The following NALF1 variants were observed in gnomAD, a reference collection of about 807,000 sequenced individuals.
NALF1 encodes the protein family with sequence similarity 155 member A.
A neutral mutation model predicts 48.4 loss-of-function variants in NALF1; 3 were observed. The observed-to-expected ratio is 0.06, with a 90% CI of 0.03 to 0.16. The LOEUF is 0.16. Ranked by LOEUF, NALF1 falls within the 10% of genes least tolerant of loss-of-function variation. The probability of loss-of-function intolerance (pLI) is 1.00; values close to 1 mark genes in which losing one functional copy is unlikely to be tolerated. For missense variants in NALF1, 526 were observed against 571.5 expected, an observed-to-expected ratio of 0.92 and a Z score of 0.81; for synonymous variants, 262 against 245.7, an observed-to-expected ratio of 1.07 and a Z score of -0.62.
chr13:107,719,969 T>C (rs1875935457), intron 1 of NALF1, among the ~76,000 whole-genome samples: 1 of 152,108 alleles, frequency 6.6e-6, no homozygotes, highest in South Asian at 2.1e-4. Flanking sequence ...CATGTTTCTC[T>C]CTTTGCTTGG....
intron 1 of NALF1, among the ~76,000 whole-genome samples, chr13:107,254,508 A>G (rs932828034): frequency 8.5e-5 from 13 of 152,168 alleles, no homozygotes; most frequent in African/African-American, 2.9e-4. Flanking sequence ...TAGTCCACAA[A>G]GCACTCTTGG....
chr13:107,311,016 T>C (rs1882034008), intron 1 of NALF1, among the ~76,000 whole-genome samples: 1 of 151,936 alleles, frequency 6.6e-6, no homozygotes, highest in African/African-American at 2.4e-5. Flanking sequence ...AATTAGAAAA[T>C]ATGGCTAGGG....
chr13:107,269,166 T>TAA lies in NALF1; in HGVS notation c.916-58413_916-58412dup, dbSNP rs200045635. On this transcript the variant is annotated intron_variant, in intron 1 of 2. Coordinates refer to ENST00000375915, the MANE Select transcript of NALF1 (RefSeq NM_001080396.3). ...GACACAGTGAGACCCTGTCTATGTT[T>TAA]AAAAAAAAAAAAAGAATTTAAAAAA... Among the ~76,000 whole-genome samples the TAA allele has an allele frequency of 8.0e-4, 114 of 143,272 alleles. No homozygotes were observed. In the South Asian group the frequency reaches 8.8e-3, roughly 11 times the overall value. 94.0% of individuals were successfully genotyped at this position (143,272 alleles called of 152,430 possible).
intron 2 of NALF1, among the ~76,000 whole-genome samples, chr13:107,190,206 G>T (rs1010598462): frequency 9.9e-5 from 15 of 152,284 alleles, no homozygotes; most frequent in African/African-American, 3.6e-4. Context: ...TTCTGTGGCT[G>T]CAGTATCTCA....
intron 1 of NALF1, among the ~76,000 whole-genome samples, chr13:107,663,002 C>T (rs116216509): frequency 0.015 from 2,285 of 152,202 alleles, 38 homozygotes; most frequent in South Asian, 0.043. Flanking sequence ...TGTCTACTAT[C>T]TCAACTTAAA....
At chr13:107,574,781 T>TCAATGAA in intron 1 of NALF1, among the ~76,000 whole-genome samples, 1 of 152,300 alleles carries the variant, frequency 6.6e-6, no homozygotes, top group South Asian at 2.1e-4. Flanking sequence ...AATCTGCATA[T>TCAATGAA]CAATGAACAG....
Position 107,362,929 on chromosome 13 carries a change from C to T in NALF1, c.916-152174G>A, listed in dbSNP as rs562618201. 2.6e-4 allele frequency among the ~76,000 whole-genome samples: 40 copies of T among 152,040 alleles called. No individual in the cohort carries two copies. Among genetic ancestry groups the T allele is most frequent in the Non-Finnish European group, 5.6e-4 (38 of 68,016 alleles). The stretch of plus-strand genomic sequence containing the variant: ...AAGGTAGAAACTATCTTCTTATATC[C>T]CTTTTCATAGAACTATGATGTCCCC... On this transcript the variant is annotated intron_variant, in intron 1 of 2. Transcript: ENST00000375915. This position sits in a 1 kb window ranked among gnomAD's most constrained non-coding sequence, Gnocchi z 4.6.
chr13:107,725,434 G>A (rs142571310), intron 1 of NALF1, among the ~76,000 whole-genome samples: 203 of 152,330 alleles, frequency 1.3e-3, no homozygotes, highest in African/African-American at 4.5e-3. Context: ...AGGGCTGGGC[G>A]CAGTGGCTCA....
chr13:107,346,654 T>C (rs1882777892), intron 1 of NALF1, among the ~76,000 whole-genome samples: 1 of 152,220 alleles, frequency 6.6e-6, no homozygotes. Flanking sequence ...GTGTAGCATG[T>C]GGTCATGAAA....
rs202204247 is a variant in NALF1 at position 107,556,292 on chromosome 13, T to C, written c.915+309390A>G. The stretch of plus-strand genomic sequence containing the variant: ...CTCAACATATATATATATATATATA[T>C]ATATACACACACACACACACACACA... On this transcript the variant is annotated intron_variant, in intron 1 of 2. Transcript: ENST00000375915. Among the ~76,000 whole-genome samples the C allele has an allele frequency of 2.1e-3, 260 of 123,062 alleles. 2 individuals are homozygous for C. The highest frequency in any genetic ancestry group is 6.5e-3 in the African/African-American group (228 of 34,884). The allele number at this position is 123,062 out of a possible 152,430, so 80.7% of individuals were successfully genotyped here. A position where few individuals can be genotyped will look rare whatever the true frequency, so the allele number is the denominator to read the frequency against.
intron 1 of NALF1, among the ~76,000 whole-genome samples, chr13:107,592,333 T>C (rs1254352105): frequency 1.3e-5 from 2 of 151,934 alleles, no homozygotes; most frequent in Non-Finnish European, 2.9e-5. Flanking sequence ...AATTCACTGA[T>C]CAATTAAACA....
At chr13:107,511,759 T>TG (rs1228892649) in intron 1 of NALF1, among the ~76,000 whole-genome samples, 1 of 152,156 alleles carries the variant, frequency 6.6e-6, no homozygotes, top group Non-Finnish European at 1.5e-5. Flanking sequence ...CTCAGAATAT[T>TG]GATGTTTCAT....
chr13:107,818,692 G>A (rs1277465537), intron 1 of NALF1, among the ~76,000 whole-genome samples: 3 of 150,554 alleles, frequency 2.0e-5, no homozygotes, highest in Non-Finnish European at 2.9e-5. Flanking sequence ...CTAACACGGT[G>A]AAACCCCGTC....
intron 1 of NALF1, among the ~76,000 whole-genome samples, chr13:107,542,550 A>G (rs923711030): frequency 1.3e-5 from 2 of 152,164 alleles, no homozygotes; most frequent in Non-Finnish European, 2.9e-5. Flanking sequence ...GATATGATCC[A>G]AATGTACTTT....
At chr13:107,223,659 C>T (rs1880039681) in intron 1 of NALF1, among the ~76,000 whole-genome samples, 1 of 152,150 alleles carries the variant, frequency 6.6e-6, no homozygotes, top group South Asian at 2.1e-4. Flanking sequence ...GACAGTTTCT[C>T]GTTGGGTGCT....
chr13:107,501,663 T>C (rs1033954637), intron 1 of NALF1, among the ~76,000 whole-genome samples: 3 of 152,132 alleles, frequency 2.0e-5, no homozygotes, highest in Admixed American at 1.3e-4. Flanking sequence ...CTGTTGAATG[T>C]GTATGGTTTA....
intron 2 of NALF1, among the ~76,000 whole-genome samples, chr13:107,209,152 A>G (rs1261256011): frequency 2.6e-5 from 4 of 152,196 alleles, no homozygotes. Flanking sequence ...AAACAGGATG[A>G]AGGCCAATGC....
chr13:107,726,524 T>C (rs1238293210), intron 1 of NALF1, among the ~76,000 whole-genome samples: 1 of 152,118 alleles, frequency 6.6e-6, no homozygotes, highest in African/African-American at 2.4e-5. Context: ...GCTCTTGCCC[T>C]CATGTATATT....
At chr13:107,468,119 CTCTG>C (rs1414126874) in intron 1 of NALF1, among the ~76,000 whole-genome samples, 1 of 151,878 alleles carries the variant, frequency 6.6e-6, no homozygotes, top group South Asian at 2.1e-4. Context: ...TGTTCTGTAC[CTCTG>C]TCTGTTTTTC....
Sources: gnomAD v4.1 joint callset for allele counts (sites outside exome capture counted in the v4.1 genomes callset) on GRCh38, gnomAD v4.1.1 for gene constraint, Gnocchi (gnomAD v3.1) non-coding constraint, MANE v1.5 for transcripts, NCBI Gene and HGNC (gene_info 2026-07-23, HGNC 2026-07-21) for gene names.